The following UNC13C variants were observed in gnomAD, a reference collection of about 807,000 sequenced individuals.
The protein encoded by UNC13C is protein unc-13 homolog C.
Under a neutral mutation model 245.4 loss-of-function variants are expected in UNC13C, and 174 were observed. That is an observed-to-expected ratio of 0.71 (90% CI 0.63 to 0.80). UNC13C has a LOEUF of 0.80. Ranked by LOEUF, UNC13C falls within the 30% of genes least tolerant of loss-of-function variation. The pLI is 0.00. For missense variants in UNC13C, 2,829 were observed against 2,602.9 expected (o/e 1.09, Z -1.89); for synonymous variants, 992 against 895.1 (o/e 1.11, Z -1.93).
At chr15:54,520,478 A>G (rs116572440) in intron 24 of UNC13C, among the ~76,000 whole-genome samples, 68 of 152,306 alleles carry the variant, frequency 4.5e-4, no homozygotes, top group African/African-American at 1.6e-3. Flanking sequence ...CATGCTGTTA[A>G]GAATGTTGAT....
At chr15:53,869,564 A>G in the UNC13C span, among the ~76,000 whole-genome samples, 1 of 152,172 alleles carries the variant, frequency 6.6e-6, no homozygotes, top group African/African-American at 2.4e-5. Flanking sequence ...GTAATAAGTA[A>G]TAGTACTTAA....
intron 4 of UNC13C, among the ~76,000 whole-genome samples, chr15:54,196,746 G>A (rs1006022474): frequency 3.3e-5 from 5 of 152,116 alleles, no homozygotes; most frequent in Non-Finnish European, 7.4e-5. Flanking sequence ...TTCAATAGAT[G>A]AAAAGTCATT....
intron 24 of UNC13C, among the ~76,000 whole-genome samples, chr15:54,522,711 T>C (rs1895274364): frequency 6.6e-6 from 1 of 152,246 alleles, no homozygotes; most frequent in Non-Finnish European, 1.5e-5. Flanking sequence ...ATTAAATCTG[T>C]CTTGAAAACT....
intron 30 of UNC13C, among the ~76,000 whole-genome samples, chr15:54,604,785 CAG>C (rs943249467): frequency 2.0e-5 from 3 of 152,138 alleles, no homozygotes; most frequent in African/African-American, 7.2e-5. Flanking sequence ...GTTACTCTGA[CAG>C]GGCATTGAAA....
intron 18 of UNC13C, among the ~76,000 whole-genome samples, chr15:54,396,852 C>T (rs1388091518): frequency 6.6e-6 from 1 of 150,548 alleles, no homozygotes; most frequent in Non-Finnish European, 1.5e-5. Flanking sequence ...AAATCATTTT[C>T]CCATTTCCAA....
intron 25 of UNC13C, 55 bp from the exon 26 acceptor site, chr15:54,532,862 C>T (rs1295568831): frequency 8.3e-7 from 1 of 1,208,136 alleles, no homozygotes; most frequent in Admixed American, 2.4e-5. Flanking sequence ...GAAATTGGAA[C>T]AGGCTCAGGC....
chr15:54,629,845 C>CAATA (rs1239806905), downstream of UNC13C: 1 of 152,070 alleles, frequency 6.6e-6, no homozygotes, highest in Non-Finnish European at 1.5e-5. Flanking sequence ...ACAATGTATA[C>CAATA]AATATATATC....
chr15:54,532,013 T>C (rs945074907), intron 25 of UNC13C, among the ~76,000 whole-genome samples: 1 of 150,274 alleles, frequency 6.7e-6, no homozygotes, highest in African/African-American at 2.5e-5. Context: ...GTGGCAGTAC[T>C]TCATTTTTCT....
chr15:54,254,623 G>A (rs762071847), intron 8 of UNC13C, among the ~76,000 whole-genome samples: 11 of 152,146 alleles, frequency 7.2e-5, no homozygotes, highest in Non-Finnish European at 1.6e-4. Flanking sequence ...TAGTGAGTTA[G>A]GAAACTCAGT....
At chr15:54,219,986 A>G (rs1396386736) in intron 4 of UNC13C, among the ~76,000 whole-genome samples, 16,244 of 130,414 alleles carry the variant, frequency 0.12, 1,590 homozygotes, top group African/African-American at 0.29. Flanking sequence ...GAACACTTTT[A>G]CACCGTTGGT....
At chr15:54,614,034 G>A (rs1900270198) in intron 30 of UNC13C, among the ~76,000 whole-genome samples, 1 of 151,988 alleles carries the variant, frequency 6.6e-6, no homozygotes, top group African/African-American at 2.4e-5. Context: ...GTTCCCCAGA[G>A]GGACTTGGTG....
intron 1 of UNC13C, among the ~76,000 whole-genome samples, chr15:54,001,310 A>G (rs1270957467): frequency 6.6e-6 from 1 of 152,212 alleles, no homozygotes; most frequent in Non-Finnish European, 1.5e-5. Flanking sequence ...GCATTGGAGA[A>G]GGTATCTGTG....
At chr15:54,193,517 T>A (rs1312394653) in intron 4 of UNC13C, among the ~76,000 whole-genome samples, 1 of 152,120 alleles carries the variant, frequency 6.6e-6, no homozygotes, top group Non-Finnish European at 1.5e-5. Context: ...GAAGCTTCCA[T>A]CTCTGTTGAG....
At chr15:54,611,332 G>T (rs184337153) in intron 30 of UNC13C, 2 of 152,094 alleles carry the variant, frequency 1.3e-5, no homozygotes, top group East Asian at 1.9e-4. Context: ...GTTTAGAAGG[G>T]GTTAACAGGA....
At chr15:54,388,573 A>T in intron 17 of UNC13C, among the ~76,000 whole-genome samples, 1 of 152,140 alleles carries the variant, frequency 6.6e-6, no homozygotes, top group East Asian at 1.9e-4. Context: ...TATCTGCAAG[A>T]TATTTTTATT....
the UNC13C span, among the ~76,000 whole-genome samples, chr15:53,904,731 C>A: frequency 6.6e-6 from 1 of 152,108 alleles, no homozygotes; most frequent in Non-Finnish European, 1.5e-5. Context: ...AAAGACTCCA[C>A]GTTTTCATGG....
intron 19 of UNC13C, among the ~76,000 whole-genome samples, chr15:54,438,325 C>A (rs1890332162): frequency 6.6e-6 from 1 of 151,918 alleles, no homozygotes; most frequent in Non-Finnish European, 1.5e-5. Flanking sequence ...TAAAGACGCC[C>A]AACTGTTTGC....
intron 30 of UNC13C, among the ~76,000 whole-genome samples, chr15:54,580,819 T>C (rs1412255775): frequency 6.6e-6 from 1 of 152,190 alleles, no homozygotes; most frequent in Non-Finnish European, 1.5e-5. Context: ...CGTGTTCCTC[T>C]GTGAGCTGTA....
At chr15:54,337,553 C>T (rs1259712730) in intron 16 of UNC13C, among the ~76,000 whole-genome samples, 1 of 152,096 alleles carries the variant, frequency 6.6e-6, no homozygotes, top group Non-Finnish European at 1.5e-5. Flanking sequence ...TCCAGTCTGT[C>T]AGAAAATCCT....
Sources: allele counts gnomAD v4.1 joint callset (sites outside exome capture counted in the v4.1 genomes callset), GRCh38; gene constraint gnomAD v4.1.1; transcripts MANE v1.5; gene names NCBI Gene and HGNC (gene_info 2026-07-23, HGNC 2026-07-21).